The following ADARB2 variants were observed in gnomAD, a reference collection of about 807,000 sequenced individuals.
ADARB2 encodes adenosine deaminase RNA specific B2 (inactive), also known as inactive double-stranded RNA-specific editase B2.
Under a neutral mutation model 62.2 loss-of-function variants are expected in ADARB2, and 25 were observed. The observed-to-expected ratio is 0.40, with a 90% CI of 0.29 to 0.56. The LOEUF (loss-of-function observed/expected upper bound fraction) is 0.56, where lower values mean the gene tolerates loss of function less well. ADARB2 is among the 20% of genes least tolerant of loss of function. The probability of loss-of-function intolerance (pLI) is 0.43; values close to 1 mark genes in which losing one functional copy is unlikely to be tolerated. For missense variants in ADARB2, 1,071 were observed against 1,077.4 expected, an observed-to-expected ratio of 0.99 and a Z score of 0.08; for synonymous variants, 572 against 500.8, an observed-to-expected ratio of 1.14 and a Z score of -1.90.
intron 1 of ADARB2, among the ~76,000 whole-genome samples, chr10:1,677,370 C>A (rs1202523440): frequency 6.6e-6 from 1 of 152,196 alleles, no homozygotes; most frequent in Non-Finnish European, 1.5e-5. Flanking sequence ...GGAGCCTCCC[C>A]TAAATGATAG....
chr10:1,411,886 T>C (rs533860869), intron 1 of ADARB2, among the ~76,000 whole-genome samples: 2 of 152,364 alleles, frequency 1.3e-5, no homozygotes, highest in African/African-American at 4.8e-5. Context: ...TGAAAGACAT[T>C]GCTTTCAGCT....
At chr10:1,424,288 G>A (rs114748014) in intron 1 of ADARB2, among the ~76,000 whole-genome samples, 44 of 152,288 alleles carry the variant, frequency 2.9e-4, no homozygotes, top group African/African-American at 9.6e-4. Flanking sequence ...AGTAAGAAGC[G>A]TTTAGGGCTA....
intron 1 of ADARB2, among the ~76,000 whole-genome samples, chr10:1,529,379 T>C (rs1045931809): frequency 1.3e-5 from 2 of 151,916 alleles, no homozygotes; most frequent in African/African-American, 4.8e-5. Context: ...TGCCCAACAC[T>C]GCGAGTCCCC....
chr10:1,253,306 G>A (rs1187654778), intron 4 of ADARB2, among the ~76,000 whole-genome samples: 2 of 152,162 alleles, frequency 1.3e-5, no homozygotes, highest in African/African-American at 4.8e-5. Flanking sequence ...AAAACCATGT[G>A]TTCCATTATT....
At chr10:1,498,011 T>C (rs1439727082) in intron 1 of ADARB2, among the ~76,000 whole-genome samples, 1 of 152,086 alleles carries the variant, frequency 6.6e-6, no homozygotes, top group Admixed American at 6.6e-5. Context: ...ATCAAATATT[T>C]GTGTGTATAT....
intron 1 of ADARB2, among the ~76,000 whole-genome samples, chr10:1,691,648 T>G (rs1564368870): frequency 6.6e-6 from 1 of 152,208 alleles, no homozygotes; most frequent in Non-Finnish European, 1.5e-5. Context: ...GTACTTTTCC[T>G]TTTCACTGTG....
intron 1 of ADARB2, among the ~76,000 whole-genome samples, chr10:1,698,438 A>ACGCTT (rs921142947): frequency 6.6e-5 from 10 of 152,152 alleles, no homozygotes; most frequent in Non-Finnish European, 1.3e-4. Context: ...GGAGAGACAT[A>ACGCTT]CGCTTCCTCT....
At chr10:1,502,295 T>C (rs912125704) in intron 1 of ADARB2, among the ~76,000 whole-genome samples, 1 of 152,252 alleles carries the variant, frequency 6.6e-6, no homozygotes, top group African/African-American at 2.4e-5. Context: ...CCTTACTTCC[T>C]GGAGCATTTC....
chr10:1,349,827 C>T (rs7076187), intron 3 of ADARB2, among the ~76,000 whole-genome samples: 148,812 of 152,160 alleles, frequency 0.98, 72,847 homozygotes, highest in Middle Eastern at 1. Context: ...CCATGTTCCA[C>T]TGATGTCTGA....
chr10:1,298,642 G>T (rs1831544855), intron 3 of ADARB2, among the ~76,000 whole-genome samples: 1 of 150,208 alleles, frequency 6.7e-6, no homozygotes, highest in South Asian at 2.1e-4. Flanking sequence ...CTGGGCTCAA[G>T]CAGGAGCTCC....
intron 4 of ADARB2, among the ~76,000 whole-genome samples, chr10:1,244,311 G>A (rs1452303939): frequency 6.6e-6 from 1 of 152,216 alleles, no homozygotes; most frequent in Non-Finnish European, 1.5e-5. Context: ...TTAGAGAAAT[G>A]GGAAACACAT....
intron 1 of ADARB2, among the ~76,000 whole-genome samples, chr10:1,473,471 C>T (rs1428682484): frequency 1.3e-5 from 2 of 152,108 alleles, no homozygotes; most frequent in East Asian, 3.9e-4. Flanking sequence ...CCTTCACTTC[C>T]CGGGCTCAAG....
chr10:1,645,847 T>A (rs1200844005), intron 1 of ADARB2, among the ~76,000 whole-genome samples: 1 of 152,230 alleles, frequency 6.6e-6, no homozygotes, highest in African/African-American at 2.4e-5. Context: ...CATCCCTTTT[T>A]CATCCGTCAT....
intron 1 of ADARB2, among the ~76,000 whole-genome samples, chr10:1,557,733 A>T (rs1444505752): frequency 6.6e-6 from 1 of 152,108 alleles, no homozygotes; most frequent in Non-Finnish European, 1.5e-5. Flanking sequence ...GTGAAACCCC[A>T]TCTCTAATAC....
At chr10:1,418,129 C>T (rs1021847825) in intron 1 of ADARB2, among the ~76,000 whole-genome samples, 2 of 152,156 alleles carry the variant, frequency 1.3e-5, no homozygotes, top group Non-Finnish European at 2.9e-5. Flanking sequence ...GGGACGTTTC[C>T]GTAAACCAAA....
chr10:1,214,647 A>T (rs1837208721), intron 7 of ADARB2, among the ~76,000 whole-genome samples: 1 of 152,224 alleles, frequency 6.6e-6, no homozygotes, highest in Non-Finnish European at 1.5e-5. Context: ...TGTAGGTGCT[A>T]ATTTACTTCA....
intron 1 of ADARB2, among the ~76,000 whole-genome samples, chr10:1,549,842 C>T (rs190787425): frequency 9.9e-5 from 15 of 152,240 alleles, no homozygotes; most frequent in East Asian, 7.7e-4. Flanking sequence ...CCCGGAGAGA[C>T]GGCAGCCAGG....
intron 1 of ADARB2, among the ~76,000 whole-genome samples, chr10:1,483,346 G>A (rs866030467): frequency 7.2e-5 from 11 of 152,156 alleles, no homozygotes; most frequent in Admixed American, 6.5e-4. Context: ...TGGGATCTAG[G>A]AAACCCCGTT....
chr10:1,536,591 C>A (rs917758227), intron 1 of ADARB2, among the ~76,000 whole-genome samples: 1 of 152,196 alleles, frequency 6.6e-6, no homozygotes, highest in African/African-American at 2.4e-5. Flanking sequence ...AGATTACTCA[C>A]GGCTCTAGAA....
Sources: allele counts gnomAD v4.1 joint callset (sites outside exome capture counted in the v4.1 genomes callset), GRCh38; gene constraint gnomAD v4.1.1; transcripts MANE v1.5; gene names NCBI Gene and HGNC (gene_info 2026-07-23, HGNC 2026-07-21).